The following SLC39A10 variants were observed in gnomAD, a reference collection of about 807,000 sequenced individuals.
The protein encoded by SLC39A10 is zinc transporter ZIP10.
Under a neutral mutation model 65.1 loss-of-function variants are expected in SLC39A10, and 13 were observed. That is an observed-to-expected ratio of 0.20 (90% CI 0.13 to 0.32). SLC39A10 has a LOEUF of 0.32. SLC39A10 is among the 10% of genes least tolerant of loss of function. The pLI is 1.00. For missense variants in SLC39A10, 831 were observed against 1,018.4 expected (o/e 0.82, Z 2.50); for synonymous variants, 321 against 342.2 (o/e 0.94, Z 0.68).
In SLC39A10 at chr2:195,680,551, A is replaced by G. The variant is rs942689494; in HGVS notation, c.509A>G (p.His170Arg). ...GTGTCTGTAAAATCTGATGATAAAC[A>G]TATGCATGACCATAATCACCGCCTA... ...VEVSVKSDDK[H>R]MHDHNHRLRH... is the part of the protein sequence containing the mutation. Residue 170 changes from histidine (H) to arginine (R), a missense_variant, in exon 2 of 10, where the codon CAT (histidine) becomes CGT (arginine). Coordinates refer to ENST00000359634, the MANE Select transcript of SLC39A10 (RefSeq NM_020342.3). The G allele has an allele frequency of 3.7e-6, 6 of 1,614,216 alleles. No individual in the cohort carries two copies. The highest frequency in any genetic ancestry group is 5.1e-6 in the Non-Finnish European group (6 of 1,180,048).
chr2:195,682,014 G>T (rs1199190453), intron 2 of SLC39A10, among the ~76,000 whole-genome samples: 3 of 151,782 alleles, frequency 2.0e-5, no homozygotes, highest in African/African-American at 7.3e-5. Flanking sequence ...AATATAAAAA[G>T]GTATAATAAT....
chr2:195,663,737 A>G (rs761046939), intron 1 of SLC39A10, among the ~76,000 whole-genome samples: 58 of 151,752 alleles, frequency 3.8e-4, no homozygotes, highest in Non-Finnish European at 6.6e-4. Flanking sequence ...TAAATTGTAT[A>G]TTAAAACAGA....
rs909761497 is a variant in SLC39A10, at chr2:195,735,608, A to T, written c.*567A>T. On this transcript the variant is annotated 3_prime_UTR_variant, in exon 10 of 10. Transcript: ENST00000359634. ...GAATTTAGCATTGGGAAAAGCCCTTATTCTTGAATCTAGAGTTACTATTTT... is the reference window on the plus strand; with the variant it reads ...GAATTTAGCATTGGGAAAAGCCCTTTTTCTTGAATCTAGAGTTACTATTTT... 7.9e-5 allele frequency: 12 copies of T among 152,604 alleles called. No homozygotes were observed. The highest frequency in any genetic ancestry group is 2.9e-4 in the African/African-American group (12 of 41,444). 9.5% of individuals were successfully genotyped at this position (152,604 alleles called of 1,614,324 possible).
intron 8 of SLC39A10, among the ~76,000 whole-genome samples, chr2:195,724,448 C>A (rs1692162784): frequency 6.6e-6 from 1 of 151,950 alleles, no homozygotes; most frequent in South Asian, 2.1e-4. Flanking sequence ...AATTTATAAC[C>A]TGAGATAAGA....
chr2:195,733,966 C>T (rs1692505848), intron 9 of SLC39A10, among the ~76,000 whole-genome samples: 1 of 152,030 alleles, frequency 6.6e-6, no homozygotes, highest in Non-Finnish European at 1.5e-5. Flanking sequence ...GATAGCTCTG[C>T]TAGGTTGTTT....
intron 8 of SLC39A10, among the ~76,000 whole-genome samples, chr2:195,726,019 A>G (rs1466686619): frequency 6.6e-6 from 1 of 152,204 alleles, no homozygotes; most frequent in African/African-American, 2.4e-5. Context: ...TATAGGGTGT[A>G]TGTGTTTGTC....
chr2:195,708,055 AC>A (rs1183349266), intron 4 of SLC39A10, among the ~76,000 whole-genome samples: 1 of 152,128 alleles, frequency 6.6e-6, no homozygotes, highest in East Asian at 1.9e-4. Flanking sequence ...CCTCTTGCTA[AC>A]TTTCCACAGT....
At chr2:195,656,608 A>C (rs1195725021), upstream of SLC39A10, 1 of 152,206 alleles carries the variant, frequency 6.6e-6, no homozygotes, top group Non-Finnish European at 1.5e-5. Context: ...ATGGGTGGGA[A>C]GGGGAGCTAG....
At chr2:195,677,321 TG>T (rs57558805) in intron 1 of SLC39A10, among the ~76,000 whole-genome samples, 22,248 of 152,060 alleles carry the variant, frequency 0.15, 1,917 homozygotes, top group African/African-American at 0.23. Flanking sequence ...GAATTTGAGT[TG>T]GGAGGAGTGC....
chr2:195,662,422 C>T (rs2105733282), intron 1 of SLC39A10, among the ~76,000 whole-genome samples: 1 of 152,046 alleles, frequency 6.6e-6, no homozygotes, highest in East Asian at 1.9e-4. Flanking sequence ...GAGCGTGTGC[C>T]ACCATGCCTA....
chr2:195,625,273 C>CT (rs1322529877), intron 2 of SLC39A10, among the ~76,000 whole-genome samples: 29 of 133,434 alleles, frequency 2.2e-4, no homozygotes, highest in East Asian at 5.6e-4. Context: ...AACTTTTTTT[C>CT]TTTTTTTTTC....
chr2:195,642,492 T>A (rs778954176), intron 2 of SLC39A10, among the ~76,000 whole-genome samples: 3 of 152,210 alleles, frequency 2.0e-5, no homozygotes, highest in Admixed American at 6.5e-5. Context: ...CAATGTGTTC[T>A]GCTTGGGACA....
At chr2:195,632,785 A>C (rs1211139283) in intron 2 of SLC39A10, among the ~76,000 whole-genome samples, 1 of 151,994 alleles carries the variant, frequency 6.6e-6, no homozygotes, top group Non-Finnish European at 1.5e-5. Context: ...CTGATGTGGT[A>C]ATTTCTACTC....
intron 9 of SLC39A10, among the ~76,000 whole-genome samples, chr2:195,730,289 CTT>C (rs1325908518): frequency 2.0e-5 from 3 of 152,016 alleles, no homozygotes; most frequent in Admixed American, 6.6e-5. Context: ...TGGTCATTCT[CTT>C]TTCTTTGAAA....
At position 195,680,244 on chromosome 2, in the gene SLC39A10, T is replaced by C. The variant is rs1331107453; in HGVS notation, c.202T>C (p.Phe68Leu). ...NEKKYYIEKL[F>L]ERYGENGRLS... ...AAAAAAATACTATATTGAAAAACTT[T>C]TTGAGCGTTATGGTGAAAATGGAAG... Residue 68 changes from phenylalanine to leucine, a missense_variant, in exon 2 of 10, where the codon TTT becomes CTT. Physicochemically the swap from Phe to Leu is conservative, Grantham distance 22 (BLOSUM62 0). Coordinates refer to ENST00000359634, the MANE Select transcript of SLC39A10 (RefSeq NM_020342.3). 6.2e-7 allele frequency: 1 copy of C among 1,613,754 alleles called. No individual in the cohort carries two copies.
In SLC39A10 at chr2:195,734,903, T is replaced by C; in HGVS notation, c.2358T>C (p.Gly786=). The C allele has an allele frequency of 6.2e-7, 1 of 1,607,660 alleles. No homozygotes were observed. The highest frequency in any genetic ancestry group is 8.5e-7 in the Non-Finnish European group (1 of 1,177,658). The change falls in exon 10 of 10, where the codon GGT becomes GGC. Residue 786 remains glycine, a synonymous_variant. Coordinates refer to ENST00000359634, the MANE Select transcript of SLC39A10 (RefSeq NM_020342.3). The part of the protein sequence containing the change: ...LVDMLPEMLH[G]DGDNEEHGFC... ...TCTAGCTTCCAGAAATGTTGCATGG[T>C]GATGGTGACAATGAAGAACATGGCT...
intron 2 of SLC39A10, among the ~76,000 whole-genome samples, chr2:195,639,982 C>A (rs1489272034): frequency 2.6e-5 from 4 of 152,118 alleles, no homozygotes; most frequent in African/African-American, 7.2e-5. Context: ...AGTGTAGAGT[C>A]ATGGATATTT....
intron 1 of SLC39A10, among the ~76,000 whole-genome samples, chr2:195,659,457 T>G (rs1327991548): frequency 6.6e-6 from 1 of 152,164 alleles, no homozygotes; most frequent in Non-Finnish European, 1.5e-5. Flanking sequence ...CAAAAGTGAT[T>G]TTTGGAGAAG....
At chr2:195,662,251 T>G (rs1689434330) in intron 1 of SLC39A10, among the ~76,000 whole-genome samples, 1 of 151,648 alleles carries the variant, frequency 6.6e-6, no homozygotes, top group South Asian at 2.1e-4. Flanking sequence ...ACATCAGAGA[T>G]ATGTATCCTA....
Sources: gnomAD v4.1 joint callset for allele counts (sites outside exome capture counted in the v4.1 genomes callset) on GRCh38, gnomAD v4.1.1 for gene constraint, MANE v1.5 for transcripts, NCBI Gene and HGNC (gene_info 2026-07-23, HGNC 2026-07-21) for gene names.